NFASC: variants seen among roughly 807,000 people sequenced by gnomAD.
NFASC encodes the protein neurofascin.
Under a neutral mutation model 147.5 loss-of-function variants are expected in NFASC, and 43 were observed. That is an observed-to-expected ratio of 0.29 (90% confidence interval 0.23 to 0.38). The LOEUF is 0.38. Among genes scored for constraint, NFASC ranks in the 10% least tolerant of loss-of-function variants. The pLI is 1.00. For synonymous variants in NFASC, 622 were observed against 665.5 expected, an observed-to-expected ratio of 0.93 and a Z score of 1.01; for missense variants, 1,320 against 1,689.0, an observed-to-expected ratio of 0.78 and a Z score of 3.83.
intron 1 of NFASC, among the ~76,000 whole-genome samples, chr1:204,907,638 G>A (rs1292172009): frequency 6.6e-6 from 1 of 152,176 alleles, no homozygotes; most frequent in Non-Finnish European, 1.5e-5. Flanking sequence ...GCTTACATCT[G>A]TTTTGAACTT....
At chr1:204,988,367 C>A (rs552325966) in intron 22 of NFASC, among the ~76,000 whole-genome samples, 14 of 152,306 alleles carry the variant, frequency 9.2e-5, no homozygotes, top group African/African-American at 3.4e-4. Context: ...TAAACGGAAT[C>A]TTTCTGAATC....
chr1:204,928,951 G>A (rs1029351234), intron 2 of NFASC, among the ~76,000 whole-genome samples: 5 of 152,182 alleles, frequency 3.3e-5, no homozygotes. Context: ...TGGTCACCTA[G>A]AGGGAAAAGT....
chr1:204,954,058 T>G lies in NFASC; in HGVS notation c.216-130T>G, dbSNP rs530103180. The G allele has an allele frequency of 1.8e-4, 131 of 743,482 alleles. No homozygotes were observed. The African/African-American group carries it at 1.8e-3, about 10-fold the overall frequency. The allele number at this position is 743,482 out of a possible 1,614,324, so 46.1% of individuals were successfully genotyped here. A position where few individuals can be genotyped will look rare whatever the true frequency, so the allele number is the denominator to read the frequency against. The stretch of plus-strand genomic sequence containing the variant: ...GCTCAGCCAGGCTGAGACCTGTTGG[T>G]ATGGGGTGCCACGATGGGACTGAGA... On this transcript the variant is annotated intron_variant, in intron 5 of 29. Coordinates refer to ENST00000339876, the MANE Select transcript of NFASC (RefSeq NM_001005388.3). This position sits in a 1 kb window ranked among gnomAD's most constrained non-coding sequence, Gnocchi z 5.7.
At chr1:204,868,675 G>A (rs188624249) in intron 1 of NFASC, among the ~76,000 whole-genome samples, 7 of 152,286 alleles carry the variant, frequency 4.6e-5, no homozygotes, top group South Asian at 2.1e-4. Context: ...GAGAAAAGCC[G>A]CAGGAACTGC....
At chr1:204,945,833 G>T (rs1364464308) in intron 3 of NFASC, among the ~76,000 whole-genome samples, 1 of 152,196 alleles carries the variant, frequency 6.6e-6, no homozygotes, top group Non-Finnish European at 1.5e-5. Flanking sequence ...CCAAGTCCCC[G>T]GAGGGAGGGT....
chr1:204,930,541 A>G (rs1001740826), intron 2 of NFASC, among the ~76,000 whole-genome samples: 7 of 152,166 alleles, frequency 4.6e-5, no homozygotes, highest in African/African-American at 7.2e-5. Flanking sequence ...CTCAGGAGAG[A>G]CAAGACATGG....
intron 5 of NFASC, among the ~76,000 whole-genome samples, chr1:204,953,508 G>C (rs926964969): frequency 6.6e-6 from 1 of 152,176 alleles, no homozygotes; most frequent in Non-Finnish European, 1.5e-5. Flanking sequence ...GAGTTAGCCA[G>C]GATGGTCTCG....
intron 1 of NFASC, among the ~76,000 whole-genome samples, chr1:204,891,173 T>G (rs1464443391): frequency 6.6e-6 from 1 of 152,162 alleles, no homozygotes; most frequent in African/African-American, 2.4e-5. Context: ...GGGCAAGGCT[T>G]ATGTGTTACA....
At chr1:204,992,457 A>G (rs193147673) in intron 24 of NFASC, among the ~76,000 whole-genome samples, 1 of 152,236 alleles carries the variant, frequency 6.6e-6, no homozygotes, top group Admixed American at 6.5e-5. Flanking sequence ...TTTTGCGGCC[A>G]GATCTGTGGA....
At chr1:204,830,663 G>GAGAGAGAGAC (rs1671963320) in intron 1 of NFASC, among the ~76,000 whole-genome samples, 1 of 142,670 alleles carries the variant, frequency 7.0e-6, no homozygotes. Context: ...TGTATAGAGA[G>GAGAGAGAGAC]AGAGAGAGAG....
intron 10 of NFASC, among the ~76,000 whole-genome samples, chr1:204,970,074 C>CAAAAAAA (rs11307141): frequency 1.5e-5 from 1 of 65,462 alleles, no homozygotes; most frequent in African/African-American, 6.4e-5. Flanking sequence ...GACTCCATCT[C>CAAAAAAA]AAAAAAAAAA....
At chr1:204,877,944 A>C (rs963527768) in intron 1 of NFASC, among the ~76,000 whole-genome samples, 1 of 152,152 alleles carries the variant, frequency 6.6e-6, no homozygotes, top group Non-Finnish European at 1.5e-5. Flanking sequence ...ATGATGTTTC[A>C]AACACTGCAG....
chr1:204,877,640 C>T (rs949261277), intron 1 of NFASC, among the ~76,000 whole-genome samples: 9 of 152,074 alleles, frequency 5.9e-5, no homozygotes, highest in African/African-American at 9.7e-5. Context: ...TCCATGCAGT[C>T]GATCGGGGGA....
chr1:204,851,681 G>T (rs554170981), intron 1 of NFASC, among the ~76,000 whole-genome samples: 11 of 152,262 alleles, frequency 7.2e-5, no homozygotes, highest in African/African-American at 2.4e-4. Context: ...TGAACAGTAT[G>T]TGCCATTGCT....
In NFASC at chr1:204,968,625, A is replaced by G. The variant is rs1573902378; in HGVS notation, c.819-173A>G. 3.1e-6 allele frequency: 2 copies of G among 647,158 alleles called. No individual in the cohort carries two copies. The highest frequency in any genetic ancestry group is 2.0e-5 in the South Asian group (1 of 50,534). The allele number at this position is 647,158 out of a possible 1,614,324, so 40.1% of individuals were successfully genotyped here. ...CTCGTGGGACCTTAGCTAAGCCTTC[A>G]GGCTCTCTGTGGCTGAGCATCCTCC... On this transcript the variant is annotated intron_variant, in intron 9 of 29. Coordinates refer to ENST00000339876, the MANE Select transcript of NFASC (RefSeq NM_001005388.3). This position sits in a 1 kb window ranked among gnomAD's most constrained non-coding sequence, Gnocchi z 5.4.
At chr1:204,918,952 T>C (rs899888702) in intron 1 of NFASC, among the ~76,000 whole-genome samples, 1 of 152,194 alleles carries the variant, frequency 6.6e-6, no homozygotes, top group African/African-American at 2.4e-5. Context: ...AGCAAATCCA[T>C]GTAACAAGGT....
chr1:204,906,813 A>G (rs1245837343), intron 1 of NFASC, among the ~76,000 whole-genome samples: 1 of 151,526 alleles, frequency 6.6e-6, no homozygotes, highest in Non-Finnish European at 1.5e-5. Context: ...CTCCCCGAGT[A>G]GCTGGGACTA....
chr1:204,924,196 T>TC (rs1335501001), intron 2 of NFASC, among the ~76,000 whole-genome samples: 2 of 151,894 alleles, frequency 1.3e-5, no homozygotes, highest in African/African-American at 4.8e-5. Flanking sequence ...CCCCCATGCC[T>TC]CCTGTATTTT....
intron 2 of NFASC, among the ~76,000 whole-genome samples, chr1:204,926,406 A>ATTTTTTTTTT (rs1202294421): frequency 2.8e-4 from 4 of 14,104 alleles, no homozygotes; most frequent in African/African-American, 4.2e-4. Context: ...ATATATATAT[A>ATTTTTTTTTT]TTTTTTTTTT....
Sources: gnomAD v4.1 joint callset for allele counts (sites outside exome capture counted in the v4.1 genomes callset) on GRCh38, gnomAD v4.1.1 for gene constraint, Gnocchi (gnomAD v3.1) non-coding constraint, MANE v1.5 for transcripts, NCBI Gene and HGNC (gene_info 2026-07-23, HGNC 2026-07-21) for gene names.